The following INPP4B variants were observed in gnomAD, a reference collection of about 807,000 sequenced individuals.
INPP4B encodes the protein inositol polyphosphate 4-phosphatase type II.
A neutral mutation model predicts 122.5 loss-of-function variants in INPP4B; 55 were observed. The ratio of observed to expected loss-of-function variants is 0.45; its 90% CI spans 0.36 to 0.56. INPP4B has a LOEUF of 0.56. Ranked by LOEUF, INPP4B falls within the 20% of genes least tolerant of loss-of-function variation. INPP4B has a pLI of 0.00. For missense variants in INPP4B, 1,000 were observed against 1,097.7 expected, an observed-to-expected ratio of 0.91 and a Z score of 1.26; for synonymous variants, 403 against 388.7, an observed-to-expected ratio of 1.04 and a Z score of -0.43.
chr4:142,745,553 T>C lies in INPP4B; in HGVS notation c.-253-19652A>G, dbSNP rs575812427. The stretch of plus-strand genomic sequence containing the variant: ...GGTTTGCAAAACCTAACATATTTAC[T>C]ATCTGGCCCTTTACAGAAAACATTT... On this transcript the variant is annotated intron_variant, in intron 1 of 25. Coordinates refer to ENST00000262992, the MANE Select transcript of INPP4B (RefSeq NM_001101669.3). 6.9e-4 allele frequency among the ~76,000 whole-genome samples: 105 copies of C among 152,050 alleles called. No homozygotes were observed. In the Middle Eastern group the frequency reaches 0.017, roughly 25 times the overall value.
chr4:142,251,578 C>T (rs1015759667), intron 11 of INPP4B, among the ~76,000 whole-genome samples: 3 of 152,138 alleles, frequency 2.0e-5, no homozygotes, highest in African/African-American at 2.4e-5. Flanking sequence ...ACATACCCCA[C>T]AATATTATAT....
chr4:142,230,462 A>G (rs1853717219), intron 12 of INPP4B, among the ~76,000 whole-genome samples: 2 of 152,044 alleles, frequency 1.3e-5, no homozygotes, highest in African/African-American at 4.8e-5. Flanking sequence ...CCTGACCAAC[A>G]TGGAGAAACT....
chr4:142,433,760 T>C (rs1185342486), intron 3 of INPP4B, among the ~76,000 whole-genome samples: 3 of 152,166 alleles, frequency 2.0e-5, no homozygotes, highest in Non-Finnish European at 4.4e-5. Flanking sequence ...CGTGTCAAGA[T>C]AGTGTTCTGC....
chr4:142,327,770 T>G (rs1319064346), intron 7 of INPP4B, among the ~76,000 whole-genome samples: 3 of 152,178 alleles, frequency 2.0e-5, no homozygotes, highest in Admixed American at 2.0e-4. Context: ...AACAACCCTG[T>G]GAGAAAACTG....
intron 7 of INPP4B, 135 bp from the exon 8 acceptor site, chr4:142,314,897 T>G (rs1436353976): frequency 2.9e-6 from 2 of 701,098 alleles, no homozygotes; most frequent in African/African-American, 3.6e-5. Context: ...AATTCACCTG[T>G]GTGCAACACC....
intron 9 of INPP4B, among the ~76,000 whole-genome samples, chr4:142,278,000 C>T (rs955437810): frequency 6.6e-6 from 1 of 151,778 alleles, no homozygotes; most frequent in African/African-American, 2.4e-5. Context: ...ACAGAAATCA[C>T]CACTAACAAA....
chr4:142,350,590 T>C (rs1007630007), intron 7 of INPP4B, among the ~76,000 whole-genome samples: 1 of 151,958 alleles, frequency 6.6e-6, no homozygotes, highest in Non-Finnish European at 1.5e-5. Context: ...CCATTGAGCC[T>C]CAACCAAAAG....
At chr4:142,752,888 T>C (rs992922104) in intron 1 of INPP4B, among the ~76,000 whole-genome samples, 4 of 152,124 alleles carry the variant, frequency 2.6e-5, no homozygotes, top group African/African-American at 9.7e-5. Context: ...CATGTATTAA[T>C]AGAGAGTTAC....
chr4:142,690,125 A>G (rs1759955361), intron 2 of INPP4B, among the ~76,000 whole-genome samples: 1 of 152,168 alleles, frequency 6.6e-6, no homozygotes, highest in South Asian at 2.1e-4. Context: ...CATGACTTCA[A>G]GTCAGGATCT....
intron 2 of INPP4B, among the ~76,000 whole-genome samples, chr4:142,696,833 T>C (rs1432089889): frequency 6.6e-6 from 1 of 152,228 alleles, no homozygotes; most frequent in Non-Finnish European, 1.5e-5. Flanking sequence ...CATTCTTTTA[T>C]TGTAAAATTA....
At chr4:142,801,339 G>A (rs1366767069) in intron 1 of INPP4B, among the ~76,000 whole-genome samples, 2 of 152,164 alleles carry the variant, frequency 1.3e-5, no homozygotes, top group East Asian at 1.9e-4. Context: ...TATTTGGAGA[G>A]AGGGCCTTTA....
At chr4:142,544,030 T>C (rs145962450) in intron 2 of INPP4B, among the ~76,000 whole-genome samples, 1 of 151,874 alleles carries the variant, frequency 6.6e-6, no homozygotes, top group African/African-American at 2.4e-5. Flanking sequence ...TGTGTGGAAG[T>C]TTTCTTTGGA....
chr4:142,208,644 CTATATT>C (rs1228450208), intron 13 of INPP4B, 115 bp from the exon 14 acceptor site: 2 of 573,724 alleles, frequency 3.5e-6, no homozygotes, highest in African/African-American at 3.9e-5. Flanking sequence ...AAAACATATC[CTATATT>C]TATGAGTTGC....
intron 15 of INPP4B, among the ~76,000 whole-genome samples, chr4:142,184,312 C>T (rs144930947): frequency 6.2e-4 from 94 of 152,242 alleles, no homozygotes; most frequent in African/African-American, 1.9e-3. Context: ...CTTCTTCTTT[C>T]GGAAGACGTA....
chr4:142,548,194 A>G (rs2150065110), intron 2 of INPP4B, among the ~76,000 whole-genome samples: 1 of 152,316 alleles, frequency 6.6e-6, no homozygotes, highest in Middle Eastern at 3.4e-3. Context: ...TGGAAGAACC[A>G]AGTTGCCAAG....
chr4:142,451,331 A>G (rs1459895851), intron 3 of INPP4B, among the ~76,000 whole-genome samples: 1 of 148,798 alleles, frequency 6.7e-6, no homozygotes, highest in Admixed American at 6.8e-5. Flanking sequence ...ACTCACTGCA[A>G]TCTCTGCCTC....
intron 2 of INPP4B, among the ~76,000 whole-genome samples, chr4:142,695,076 A>C (rs1205805857): frequency 1.3e-5 from 2 of 152,108 alleles, no homozygotes; most frequent in Non-Finnish European, 2.9e-5. Context: ...ACACCTTCAT[A>C]ATCATTCACT....
At chr4:142,117,879 T>C (rs542822491) in intron 21 of INPP4B, among the ~76,000 whole-genome samples, 1 of 152,306 alleles carries the variant, frequency 6.6e-6, no homozygotes, top group South Asian at 2.1e-4. Context: ...GACATGATTG[T>C]ATATCTAGAA....
At chr4:142,691,710 C>T (rs908228993) in intron 2 of INPP4B, among the ~76,000 whole-genome samples, 2 of 152,030 alleles carry the variant, frequency 1.3e-5, no homozygotes, top group Admixed American at 6.6e-5. Context: ...GACATGGATC[C>T]TTCTCAACTA....
Sources: gnomAD v4.1 joint callset for allele counts (sites outside exome capture counted in the v4.1 genomes callset) on GRCh38, gnomAD v4.1.1 for gene constraint, MANE v1.5 for transcripts, NCBI Gene and HGNC (gene_info 2026-07-23, HGNC 2026-07-21) for gene names.